Variants in PEPD observed in about 807,000 individuals in gnomAD.
The protein encoded by PEPD is xaa-Pro dipeptidase.
Under a neutral mutation model 60.7 loss-of-function variants are expected in PEPD, and 53 were observed. That is an observed-to-expected ratio of 0.87 (90% CI 0.70 to 1.10). PEPD has a LOEUF of 1.10. PEPD is among the 50% of genes least tolerant of loss of function. The pLI, the probability that PEPD is intolerant of heterozygous loss-of-function variation, is 0.00. For missense variants in PEPD, 711 were observed against 711.9 expected, an observed-to-expected ratio of 1.00 and a Z score of 0.01; for synonymous variants, 267 against 284.1, an observed-to-expected ratio of 0.94 and a Z score of 0.60.
chr19:33,481,666 A>C (rs1970315704), intron 6 of PEPD, among the ~76,000 whole-genome samples: 1 of 152,176 alleles, frequency 6.6e-6, no homozygotes, highest in Admixed American at 6.5e-5. Flanking sequence ...CCAGGACCAA[A>C]TGTCTTCTAT....
chr19:33,462,281 C>CTT, intron 9 of PEPD, among the ~76,000 whole-genome samples: 1 of 152,342 alleles, frequency 6.6e-6, no homozygotes, highest in East Asian at 1.9e-4. Context: ...GGGATGGCAG[C>CTT]CTCTTCAGTG....
At chr19:33,490,190 C>T in intron 5 of PEPD, 133 bp from the exon 6 acceptor site, 1 of 698,244 alleles carries the variant, frequency 1.4e-6, no homozygotes, top group South Asian at 1.5e-5. Context: ...ACAGATGAGC[C>T]ACCCAGCCAG....
chr19:33,413,941 C>G (rs1365773640), intron 9 of PEPD, among the ~76,000 whole-genome samples: 1 of 152,204 alleles, frequency 6.6e-6, no homozygotes, highest in Non-Finnish European at 1.5e-5. Context: ...GCTTCCCAGG[C>G]ACATCAGGAC....
intron 7 of PEPD, among the ~76,000 whole-genome samples, chr19:33,464,398 C>T (rs960476269): frequency 2.2e-4 from 34 of 152,198 alleles, no homozygotes. Context: ...CTCAGTTTCC[C>T]CATGCATGGA....
chr19:33,454,644 A>G (rs188623404), intron 9 of PEPD, among the ~76,000 whole-genome samples: 1 of 146,044 alleles, frequency 6.8e-6, no homozygotes, highest in Admixed American at 6.8e-5. Context: ...TTTCAAGTTT[A>G]AAAAAAAAAG....
chr19:33,506,947 G>A (rs1410765008), intron 3 of PEPD, among the ~76,000 whole-genome samples: 1 of 118,878 alleles, frequency 8.4e-6, no homozygotes, highest in African/African-American at 3.4e-5. Context: ...TACTCTACAT[G>A]CATCACACAC....
intron 13 of PEPD, chr19:33,388,319 G>C: frequency 1.5e-6 from 1 of 669,198 alleles, no homozygotes; most frequent in Non-Finnish European, 2.8e-6. Flanking sequence ...GGGCTTGCTT[G>C]AGAAGCCCTG....
intron 4 of PEPD, among the ~76,000 whole-genome samples, chr19:33,495,862 T>C (rs1396846899): frequency 6.6e-6 from 1 of 151,980 alleles, no homozygotes; most frequent in African/African-American, 2.4e-5. Flanking sequence ...GTGACTGTAA[T>C]CCCAGCTACT....
chr19:33,508,005 C>T lies in PEPD; in HGVS notation c.329+3023G>A, dbSNP rs137901271. Among the ~76,000 whole-genome samples the T allele has an allele frequency of 2.5e-3, 376 of 152,162 alleles. 2 individuals carry two copies. The highest frequency in any genetic ancestry group is 8.3e-3 in the African/African-American group (346 of 41,518). On this transcript the variant is annotated intron_variant, in intron 3 of 14. Coordinates refer to ENST00000244137, the MANE Select transcript of PEPD (RefSeq NM_000285.4). Reference sequence around the variant, plus strand: ...CCTGATCTGACCTGCCCAGCATGTACACAGCCTTTTCCAACAGGGGAGACC... The same window carrying T: ...CCTGATCTGACCTGCCCAGCATGTATACAGCCTTTTCCAACAGGGGAGACC...
chr19:33,469,410 C>T (rs565457820), intron 7 of PEPD, among the ~76,000 whole-genome samples: 1 of 152,296 alleles, frequency 6.6e-6, no homozygotes, highest in Admixed American at 6.5e-5. Context: ...CTCAACTTCC[C>T]GCACCTTCCG....
At chr19:33,388,115 A>AG in intron 13 of PEPD, 34 bp from the exon 14 acceptor site, 1 of 1,520,822 alleles carries the variant, frequency 6.6e-7, no homozygotes, top group East Asian at 2.5e-5. Context: ...CCTGATGAGC[A>AG]GCTCCAGGGC....
chr19:33,472,885 C>T (rs879639614), intron 7 of PEPD, among the ~76,000 whole-genome samples: 4 of 152,204 alleles, frequency 2.6e-5, no homozygotes, highest in Non-Finnish European at 4.4e-5. Context: ...TCCCACACTC[C>T]ATGACCCAGT....
chr19:33,431,883 C>G (rs2145397035), intron 9 of PEPD, among the ~76,000 whole-genome samples: 1 of 150,996 alleles, frequency 6.6e-6, no homozygotes, highest in African/African-American at 2.4e-5. Flanking sequence ...ATTCCAGCTT[C>G]TCGGGAGGCT....
intron 3 of PEPD, among the ~76,000 whole-genome samples, chr19:33,509,774 A>C (rs1305119387): frequency 6.6e-6 from 1 of 152,210 alleles, no homozygotes; most frequent in East Asian, 1.9e-4. Flanking sequence ...TCCTCTGATC[A>C]CCTCAAACCT....
intron 10 of PEPD, among the ~76,000 whole-genome samples, chr19:33,412,408 G>A (rs1968798237): frequency 6.6e-6 from 1 of 152,140 alleles, no homozygotes; most frequent in African/African-American, 2.4e-5. Flanking sequence ...AGGGCCCTAC[G>A]GAACCCCTCC....
intron 9 of PEPD, among the ~76,000 whole-genome samples, chr19:33,432,700 A>C (rs1183490408): frequency 6.6e-6 from 1 of 152,214 alleles, no homozygotes; most frequent in Non-Finnish European, 1.5e-5. Flanking sequence ...GAATGCATAA[A>C]ACATTACGTT....
At chr19:33,521,236 T>C (rs1971124501) in intron 1 of PEPD, among the ~76,000 whole-genome samples, 1 of 152,210 alleles carries the variant, frequency 6.6e-6, no homozygotes, top group South Asian at 2.1e-4. Context: ...ATGCTCTATA[T>C]AGTTTATCAG....
Position 33,463,060 on chromosome 19 carries a change from GCAAAGA to G in PEPD, c.625-25_625-20del. On this transcript the variant is annotated intron_variant, in intron 8 of 14. Coordinates refer to ENST00000244137, the MANE Select transcript of PEPD (RefSeq NM_000285.4). ...TCATTACCTGGAGGACGGATATTAA[GCAAAGA>G]CATTTGTATTAAGCAGATCAGTAAC... is the stretch of plus-strand genomic sequence containing the variant. The G allele has an allele frequency of 6.6e-7, 1 of 1,512,202 alleles. No individual in the cohort carries two copies. Among genetic ancestry groups the G allele is most frequent in the Non-Finnish European group, 9.2e-7 (1 of 1,087,208 alleles). 93.7% of individuals were successfully genotyped at this position (1,512,202 alleles called of 1,614,324 possible).
At chr19:33,502,999 C>A (rs1970739651) in intron 3 of PEPD, among the ~76,000 whole-genome samples, 3 of 151,898 alleles carry the variant, frequency 2.0e-5, no homozygotes, top group African/African-American at 7.3e-5. Flanking sequence ...TGGAGAACCC[C>A]ACGGAACACG....
Sources: allele counts gnomAD v4.1 joint callset (sites outside exome capture counted in the v4.1 genomes callset), GRCh38; gene constraint gnomAD v4.1.1; transcripts MANE v1.5; gene names NCBI Gene and HGNC (gene_info 2026-07-23, HGNC 2026-07-21).